The following CSMD1 variants were observed in gnomAD, a reference collection of about 807,000 sequenced individuals.
The protein encoded by CSMD1 is CUB and sushi domain-containing protein 1.
CSMD1 carries 213 observed loss-of-function variants against 417.5 expected under a neutral mutation model. That is an observed-to-expected ratio of 0.51 (90% confidence interval 0.46 to 0.57). The LOEUF (loss-of-function observed/expected upper bound fraction) is 0.57, where lower values mean the gene tolerates loss of function less well. Among genes scored for constraint, CSMD1 ranks in the 20% least tolerant of loss-of-function variants. The pLI, the probability that CSMD1 is intolerant of heterozygous loss-of-function variation, is 0.00. For missense variants in CSMD1, 6,923 were observed against 4,529.7 expected (o/e 1.53, Z -15.17); for synonymous variants, 2,862 against 1,736.8 (o/e 1.65, Z -16.11).
At chr8:4,604,453 C>G (rs1461663357) in intron 2 of CSMD1, among the ~76,000 whole-genome samples, 2 of 150,366 alleles carry the variant, frequency 1.3e-5, no homozygotes, top group African/African-American at 2.5e-5. Flanking sequence ...GAAGGATCAT[C>G]AACAAGTTCA....
At chr8:3,957,850 A>G (rs994673949) in intron 5 of CSMD1, among the ~76,000 whole-genome samples, 6 of 152,254 alleles carry the variant, frequency 3.9e-5, no homozygotes, top group Non-Finnish European at 8.8e-5. Context: ...TATGTAGCCC[A>G]TAAGAGGCAC....
intron 5 of CSMD1, among the ~76,000 whole-genome samples, chr8:3,856,966 G>A (rs1440348641): frequency 6.6e-6 from 1 of 151,408 alleles, no homozygotes; most frequent in Non-Finnish European, 1.5e-5. Flanking sequence ...GAATCAAGTA[G>A]AATTTGGAAT....
intron 12 of CSMD1, among the ~76,000 whole-genome samples, chr8:3,454,360 G>A (rs999491003): frequency 1.3e-5 from 2 of 152,160 alleles, no homozygotes; most frequent in Non-Finnish European, 2.9e-5. Context: ...TTATTATGAT[G>A]TTAGCTGGTT....
chr8:4,032,479 A>G (rs1797399591), intron 3 of CSMD1, among the ~76,000 whole-genome samples: 1 of 152,210 alleles, frequency 6.6e-6, no homozygotes, highest in Non-Finnish European at 1.5e-5. Flanking sequence ...AGAAATCTAA[A>G]ACAGTGGCAT....
At chr8:3,511,617 G>A (rs915377609) in intron 10 of CSMD1, among the ~76,000 whole-genome samples, 1 of 151,398 alleles carries the variant, frequency 6.6e-6, no homozygotes, top group African/African-American at 2.4e-5. Context: ...GATTAGCTGG[G>A]CATGGTAGCA....
At chr8:4,868,050 G>C (rs1802519086) in intron 1 of CSMD1, among the ~76,000 whole-genome samples, 1 of 151,912 alleles carries the variant, frequency 6.6e-6, no homozygotes, top group African/African-American at 2.4e-5. Flanking sequence ...GCTTTCCCTG[G>C]ATCTCTACTT....
intron 5 of CSMD1, among the ~76,000 whole-genome samples, chr8:3,887,205 G>C (rs939917427): frequency 6.6e-6 from 1 of 152,180 alleles, no homozygotes; most frequent in Non-Finnish European, 1.5e-5. Flanking sequence ...GAGGCAATCA[G>C]CGTCAACAAG....
intron 4 of CSMD1, among the ~76,000 whole-genome samples, chr8:4,013,839 T>C (rs866561117): frequency 2.0e-5 from 3 of 152,132 alleles, no homozygotes; most frequent in Non-Finnish European, 4.4e-5. Flanking sequence ...GGTCTTTTGA[T>C]CTACAGTGAC....
At chr8:4,313,280 G>A (rs540892218) in intron 3 of CSMD1, among the ~76,000 whole-genome samples, 3 of 152,258 alleles carry the variant, frequency 2.0e-5, no homozygotes, top group Admixed American at 2.0e-4. Context: ...GCCCCAGGAA[G>A]AGAATGCGAA....
intron 3 of CSMD1, among the ~76,000 whole-genome samples, chr8:4,350,001 G>T (rs1289364497): frequency 6.6e-6 from 1 of 152,030 alleles, no homozygotes; most frequent in African/African-American, 2.4e-5. Context: ...TTTGGTCCCT[G>T]AGCCCTGGAA....
rs551466177 is a variant in CSMD1, at chr8:4,511,805, A to C, written c.303-91740T>G. Among the ~76,000 whole-genome samples, 5 of 152,256 alleles carry C rather than the reference A, an allele frequency of 3.3e-5. No individual in the cohort carries two copies. In the South Asian group the frequency reaches 8.3e-4, roughly 25 times the overall value. On this transcript the variant is annotated intron_variant, in intron 2 of 69. Coordinates refer to ENST00000635120, the MANE Select transcript of CSMD1 (RefSeq NM_033225.6). ...AAGAGGACTCAATCATCAGGGGTCT[A>C]CACATTATGAGTTTTACTTCCTGGA...
At chr8:3,806,264 G>T (rs1800735833) in intron 5 of CSMD1, among the ~76,000 whole-genome samples, 1 of 152,134 alleles carries the variant, frequency 6.6e-6, no homozygotes, top group African/African-American at 2.4e-5. Context: ...CAGTAGGATG[G>T]AAGGCCTAGT....
intron 3 of CSMD1, among the ~76,000 whole-genome samples, chr8:4,128,224 G>T (rs1519172): frequency 0.087 from 13,279 of 152,136 alleles, 797 homozygotes; most frequent in Non-Finnish European, 0.13. Context: ...TCCTTGAAAG[G>T]CATGTTTCTG....
At chr8:3,425,027 CAG>C (rs1813738519) in intron 12 of CSMD1, among the ~76,000 whole-genome samples, 1 of 152,058 alleles carries the variant, frequency 6.6e-6, no homozygotes. Context: ...TTTGTAGAGA[CAG>C]GGGTCTCACT....
chr8:4,770,641 G>C (rs1279138313), intron 1 of CSMD1, among the ~76,000 whole-genome samples: 2 of 151,890 alleles, frequency 1.3e-5, no homozygotes, highest in Non-Finnish European at 2.9e-5. Context: ...AGAGAATAGA[G>C]AGCTGAAATA....
intron 3 of CSMD1, among the ~76,000 whole-genome samples, chr8:4,235,270 C>T (rs1236214448): frequency 6.6e-6 from 1 of 151,788 alleles, no homozygotes; most frequent in African/African-American, 2.4e-5. Context: ...TAGGCTACAT[C>T]ATAAAACTCA....
At chr8:4,707,720 C>A (rs1042362627) in intron 1 of CSMD1, among the ~76,000 whole-genome samples, 2 of 151,864 alleles carry the variant, frequency 1.3e-5, no homozygotes, top group Non-Finnish European at 2.9e-5. Flanking sequence ...AACCCCATCT[C>A]TACTAAAAAT....
chr8:4,034,768 G>C (rs1367302698), intron 3 of CSMD1, among the ~76,000 whole-genome samples: 2 of 152,110 alleles, frequency 1.3e-5, no homozygotes, highest in African/African-American at 2.4e-5. Flanking sequence ...TGTCTTCTTA[G>C]GGTCATTATT....
intron 6 of CSMD1, among the ~76,000 whole-genome samples, chr8:3,748,263 G>A (rs1266383992): frequency 1.3e-5 from 2 of 152,034 alleles, no homozygotes; most frequent in Admixed American, 6.6e-5. Context: ...TTTTTTTCAT[G>A]GAGGTTTAGT....
Sources: gnomAD v4.1 joint callset for allele counts (sites outside exome capture counted in the v4.1 genomes callset) on GRCh38, gnomAD v4.1.1 for gene constraint, MANE v1.5 for transcripts, NCBI Gene and HGNC (gene_info 2026-07-23, HGNC 2026-07-21) for gene names.